NEBL: variants seen among roughly 807,000 people sequenced by gnomAD.
NEBL encodes LIM and SH3 protein 2.
A neutral mutation model predicts 140.2 loss-of-function variants in NEBL; 122 were observed. The observed-to-expected ratio is 0.87, with a 90% CI of 0.75 to 1.01. The LOEUF is 1.01. NEBL is among the 50% of genes least tolerant of loss of function. The pLI, the probability that NEBL is intolerant of heterozygous loss-of-function variation, is 0.00. For synonymous variants in NEBL, 436 were observed against 398.9 expected (o/e 1.09, Z -1.11); for missense variants, 1,365 against 1,231.3 (o/e 1.11, Z -1.62).
chr10:20,913,880 G>A (rs1848429911), intron 4 of NEBL, among the ~76,000 whole-genome samples: 1 of 152,102 alleles, frequency 6.6e-6, no homozygotes, highest in East Asian at 1.9e-4. Context: ...TCAAAAACTG[G>A]AGTTTTCTTT....
intron 2 of NEBL, among the ~76,000 whole-genome samples, chr10:21,062,920 A>G (rs1351162529): frequency 6.6e-6 from 1 of 152,116 alleles, no homozygotes; most frequent in Non-Finnish European, 1.5e-5. Flanking sequence ...GAGAACAGAG[A>G]AGGACACGAG....
intron 4 of NEBL, among the ~76,000 whole-genome samples, chr10:20,928,083 T>G (rs148804254): frequency 1.3e-5 from 2 of 152,360 alleles, no homozygotes; most frequent in African/African-American, 4.8e-5. Flanking sequence ...ATTAATGGAA[T>G]AGTTTACATA....
At chr10:20,841,333 C>T (rs1300006232) in intron 12 of NEBL, 1 of 166,876 alleles carries the variant, frequency 6.0e-6, no homozygotes, top group African/African-American at 2.4e-5. Flanking sequence ...CAGGTCATTC[C>T]AAAATTATAA....
At chr10:20,795,119 A>G (rs1453918920) in intron 26 of NEBL, among the ~76,000 whole-genome samples, 2 of 141,976 alleles carry the variant, frequency 1.4e-5, no homozygotes, top group Admixed American at 7.0e-5. Context: ...GTGAATTCAG[A>G]AAAGTGTAAG....
rs533345377 is a variant in NEBL at position 20,906,608 on chromosome 10, A to G, written c.357+55064T>C. Among the ~76,000 whole-genome samples, 17 of 152,164 alleles carry G rather than the reference A, an allele frequency of 1.1e-4. 1 individual carries two copies. The East Asian group carries it at 3.3e-3, about 29-fold the overall frequency. The stretch of plus-strand genomic sequence containing the variant: ...CGTATATTGGGGTGATTTCTCTCTG[A>G]GGACTTTATCTTCTTTATTATTTGT... On this transcript the variant is annotated intron_variant, in intron 4 of 6. Coordinates refer to the NEBL transcript ENST00000417816.
intron 2 of NEBL, among the ~76,000 whole-genome samples, chr10:21,154,646 G>A (rs552232431): frequency 6.6e-6 from 1 of 152,264 alleles, no homozygotes; most frequent in African/African-American, 2.4e-5. Context: ...ATGCTAAAGA[G>A]ATGCTGGATG....
chr10:21,096,041 G>A (rs1837171376), intron 2 of NEBL, among the ~76,000 whole-genome samples: 1 of 152,180 alleles, frequency 6.6e-6, no homozygotes, highest in South Asian at 2.1e-4. Context: ...TAGTGATGCT[G>A]TGCTTTAGGC....
At chr10:20,943,458 G>A (rs1030928320) in intron 4 of NEBL, among the ~76,000 whole-genome samples, 1 of 152,188 alleles carries the variant, frequency 6.6e-6, no homozygotes, top group Non-Finnish European at 1.5e-5. Context: ...GGAGAGTGGG[G>A]AGGGATAGCA....
intron 5 of NEBL, 55 bp from the exon 6 acceptor site, chr10:20,869,896 T>C: frequency 9.2e-7 from 1 of 1,085,048 alleles, no homozygotes; most frequent in Non-Finnish European, 1.4e-6. Flanking sequence ...TTCACATAGC[T>C]ACTAGTCTTA....
At chr10:20,863,248 G>A (rs1843913920) in intron 7 of NEBL, among the ~76,000 whole-genome samples, 2 of 152,026 alleles carry the variant, frequency 1.3e-5, no homozygotes, top group Admixed American at 6.6e-5. Context: ...AGTCTAACAC[G>A]CAAACCCAAA....
chr10:21,166,528 C>G (rs1696812229), intron 2 of NEBL, among the ~76,000 whole-genome samples: 1 of 152,176 alleles, frequency 6.6e-6, no homozygotes. Flanking sequence ...TCTTTCTTCA[C>G]CCCTCAAAAA....
At chr10:21,014,851 CT>C (rs1255615544) in intron 3 of NEBL, among the ~76,000 whole-genome samples, 1 of 152,190 alleles carries the variant, frequency 6.6e-6, no homozygotes, top group Non-Finnish European at 1.5e-5. Context: ...ACTTTTACTT[CT>C]TACCCTTACT....
intron 2 of NEBL, among the ~76,000 whole-genome samples, chr10:21,026,321 G>A (rs1839029178): frequency 1.6e-5 from 1 of 60,846 alleles, no homozygotes; most frequent in African/African-American, 3.5e-5. Context: ...CTATCCTACA[G>A]TACACTGTAC....
At chr10:21,118,731 A>C (rs1306024871) in intron 2 of NEBL, among the ~76,000 whole-genome samples, 1 of 152,168 alleles carries the variant, frequency 6.6e-6, no homozygotes, top group African/African-American at 2.4e-5. Flanking sequence ...CTTTTTCTAA[A>C]TTACATATGT....
At chr10:21,269,791 C>G (rs1335651901) in intron 1 of NEBL, among the ~76,000 whole-genome samples, 1 of 152,092 alleles carries the variant, frequency 6.6e-6, no homozygotes, top group Non-Finnish European at 1.5e-5. Flanking sequence ...AGAAGTTTAC[C>G]TCTAAGGTGG....
intron 14 of NEBL, 25 bp downstream of exon 14, chr10:20,835,488 G>T (rs768034939): frequency 6.6e-7 from 1 of 1,512,092 alleles, no homozygotes; most frequent in Non-Finnish European, 9.2e-7. Flanking sequence ...TGAGTCTTAA[G>T]GCCTGCATCA....
rs1021006381 is a variant in NEBL, at chr10:21,202,750, C to T, written n.349-30273G>A. On this transcript the variant is annotated intron_variant and non_coding_transcript_variant, in intron 3 of 8. Transcript: ENST00000675702. ...TGCTGGGATTACAGGCGTGAGCCACCACGCCCGGCCTTCCACCTTCTAATT... is the reference window on the plus strand; with the variant it reads ...TGCTGGGATTACAGGCGTGAGCCACTACGCCCGGCCTTCCACCTTCTAATT... 5.3e-5 allele frequency among the ~76,000 whole-genome samples: 8 copies of T among 152,136 alleles called. 1 individual carries two copies. Among genetic ancestry groups the T allele is most frequent in the African/African-American group, 1.9e-4 (8 of 41,448 alleles).
At chr10:20,977,785 C>A (rs1021265779) in intron 3 of NEBL, among the ~76,000 whole-genome samples, 17 of 152,178 alleles carry the variant, frequency 1.1e-4, no homozygotes, top group African/African-American at 4.1e-4. Context: ...TGTCTGCCAA[C>A]CACAGTTTGC....
At chr10:20,894,711 G>A (rs565743819) in intron 2 of NEBL, among the ~76,000 whole-genome samples, 9 of 145,158 alleles carry the variant, frequency 6.2e-5, no homozygotes, top group East Asian at 2.0e-4. Context: ...TCTGGAGATC[G>A]AGTCCATCCT....
Sources: gnomAD v4.1 joint callset for allele counts (sites outside exome capture counted in the v4.1 genomes callset) on GRCh38, gnomAD v4.1.1 for gene constraint, MANE v1.5 for transcripts, NCBI Gene and HGNC (gene_info 2026-07-23, HGNC 2026-07-21) for gene names.